BACE2: variants seen among roughly 807,000 people sequenced by gnomAD.
BACE2 encodes beta-secretase 2.
BACE2 carries 17 observed loss-of-function variants against 46.2 expected under a neutral mutation model. The observed-to-expected ratio is 0.37, with a 90% CI of 0.25 to 0.55. The LOEUF is 0.55. Among genes scored for constraint, BACE2 ranks in the 20% least tolerant of loss-of-function variants. The pLI, the probability that BACE2 is intolerant of heterozygous loss-of-function variation, is 0.82. For missense variants in BACE2, 595 were observed against 698.1 expected (o/e 0.85, Z 1.66); for synonymous variants, 277 against 295.9 (o/e 0.94, Z 0.66).
chr21:41,214,456 CTG>C (rs1986393290), intron 1 of BACE2, among the ~76,000 whole-genome samples: 1 of 152,150 alleles, frequency 6.6e-6, no homozygotes, highest in Non-Finnish European at 1.5e-5. Flanking sequence ...GCTGCTGGAA[CTG>C]GGGCATATTG....
Position 41,168,356 on chromosome 21 carries a change from GC to G in BACE2, c.97del (p.Leu33SerfsTer10). ...PELAPAPFTL[P>X]LRVAAATNRV... is the part of the protein sequence containing the mutation. The stretch of plus-strand genomic sequence containing the variant: ...AGCTGGCCCCCGCGCCCTTCACGCT[GC>G]CCCTCCGGGTGGCCGCGGCCACGAA... On this transcript the variant is annotated frameshift_variant, in exon 1 of 9. Transcript: ENST00000330333. LOFTEE classifies it high-confidence loss of function. The G allele has an allele frequency of 7.2e-7, 1 of 1,387,402 alleles. No individual in the cohort carries two copies. Among genetic ancestry groups the G allele is most frequent in the Non-Finnish European group, 9.4e-7 (1 of 1,066,812 alleles). 85.9% of individuals were successfully genotyped at this position (1,387,402 alleles called of 1,614,324 possible). A position where few individuals can be genotyped will look rare whatever the true frequency, so the allele number is the denominator to read the frequency against.
At chr21:41,198,971 A>G (rs1985846698) in intron 1 of BACE2, among the ~76,000 whole-genome samples, 2 of 151,262 alleles carry the variant, frequency 1.3e-5, no homozygotes, top group South Asian at 4.2e-4. Context: ...TGCTGCACCC[A>G]TTAACTCGTC....
intron 8 of BACE2, among the ~76,000 whole-genome samples, chr21:41,260,787 G>A (rs1465964187): frequency 6.6e-6 from 1 of 152,174 alleles, no homozygotes; most frequent in African/African-American, 2.4e-5. Context: ...ATGTGGGAGG[G>A]GACGACGCAG....
chr21:41,214,387 A>G (rs1986391586), intron 1 of BACE2, among the ~76,000 whole-genome samples: 1 of 152,216 alleles, frequency 6.6e-6, no homozygotes, highest in Non-Finnish European at 1.5e-5. Flanking sequence ...ATGTGTGCAT[A>G]ATGGTCATCC....
intron 3 of BACE2, among the ~76,000 whole-genome samples, chr21:41,239,946 C>T (rs562179816): frequency 3.9e-5 from 6 of 152,208 alleles, no homozygotes; most frequent in Non-Finnish European, 8.8e-5. Flanking sequence ...ACCTAAATTG[C>T]CTGGAATTAA....
intron 1 of BACE2, among the ~76,000 whole-genome samples, chr21:41,208,615 C>T (rs1450749406): frequency 6.6e-6 from 1 of 152,086 alleles, no homozygotes; most frequent in African/African-American, 2.4e-5. Flanking sequence ...GTGCCTCTCC[C>T]GTGTCCAGAA....
chr21:41,272,396 C>T (rs2088442950), intron 8 of BACE2, among the ~76,000 whole-genome samples: 1 of 151,922 alleles, frequency 6.6e-6, no homozygotes, highest in Admixed American at 6.6e-5. Flanking sequence ...TTTTTTGCCT[C>T]ACAATCCCTT....
intron 1 of BACE2, among the ~76,000 whole-genome samples, chr21:41,224,638 AATG>A (rs1986756965): frequency 6.6e-6 from 1 of 152,246 alleles, no homozygotes; most frequent in Non-Finnish European, 1.5e-5. Flanking sequence ...CTGGGCATAA[AATG>A]ATAAGTAACA....
At chr21:41,205,045 G>A (rs534783964) in intron 1 of BACE2, among the ~76,000 whole-genome samples, 28 of 152,278 alleles carry the variant, frequency 1.8e-4, no homozygotes, top group South Asian at 1.0e-3. Context: ...GCGAAGGGTA[G>A]CAAATTGAAC....
intron 8 of BACE2, among the ~76,000 whole-genome samples, chr21:41,259,709 G>T (rs992176736): frequency 6.7e-5 from 10 of 148,960 alleles, no homozygotes; most frequent in African/African-American, 2.2e-4. Context: ...TTACTAGATG[G>T]GCATGTGCAC....
intron 6 of BACE2, among the ~76,000 whole-genome samples, chr21:41,249,061 A>AGT (rs904905118): frequency 6.6e-6 from 1 of 152,120 alleles, no homozygotes; most frequent in African/African-American, 2.4e-5. Context: ...GTGCCTCTGG[A>AGT]GTGTGTGTCT....
intron 4 of BACE2, among the ~76,000 whole-genome samples, chr21:41,242,976 G>A (rs535442096): frequency 5.9e-5 from 9 of 151,982 alleles, no homozygotes; most frequent in African/African-American, 1.9e-4. Context: ...GTGCAGTGAC[G>A]CGATCTCAGC....
Position 41,276,328 on chromosome 21 carries a change from A to G in BACE2, c.*704A>G, listed in dbSNP as rs1193906619. The G allele has an allele frequency of 6.6e-6, 1 of 152,188 alleles. No individual in the cohort carries two copies. Among genetic ancestry groups the G allele is most frequent in the African/African-American group, 2.4e-5 (1 of 41,424 alleles). The allele number at this position is 152,188 out of a possible 1,614,324, so 9.4% of individuals were successfully genotyped here. On this transcript the variant is annotated 3_prime_UTR_variant, in exon 9 of 9. Coordinates refer to ENST00000330333, the MANE Select transcript of BACE2 (RefSeq NM_012105.5). ...AAGGAAATCTCCTCTTTTGTACCCAATACTTATGTTGTATTGTTGGTGCGA... is the reference window on the plus strand; with the variant it reads ...AAGGAAATCTCCTCTTTTGTACCCAGTACTTATGTTGTATTGTTGGTGCGA...
Position 41,277,055 on chromosome 21 carries a change from T to C in BACE2, c.*1431T>C, listed in dbSNP as rs759286807. Reference sequence around the variant, plus strand: ...GACAGTATCCCCTCTCTCCTGCTTGTGTGCCAAGTTCAGTGTTCCCTTTGC... The same window carrying C: ...GACAGTATCCCCTCTCTCCTGCTTGCGTGCCAAGTTCAGTGTTCCCTTTGC... On this transcript the variant is annotated 3_prime_UTR_variant, in exon 9 of 9. Transcript: ENST00000330333. 4 of 143,754 alleles carry C rather than the reference T, an allele frequency of 2.8e-5. No individual in the cohort carries two copies. Among genetic ancestry groups the C allele is most frequent in the Admixed American group, 7.4e-5 (1 of 13,496 alleles). 8.9% of individuals were successfully genotyped at this position (143,754 alleles called of 1,614,324 possible). A position where few individuals can be genotyped will look rare whatever the true frequency, so the allele number is the denominator to read the frequency against.
At position 41,237,495 on chromosome 21, in the gene BACE2, T is replaced by C; in HGVS notation, c.402-18T>C. The C allele has an allele frequency of 6.5e-7, 1 of 1,544,866 alleles. No homozygotes were observed. Among genetic ancestry groups the C allele is most frequent in the South Asian group, 1.2e-5 (1 of 84,404 alleles). Reference sequence around the variant, plus strand: ...TAAAATAAAATGAATACAATATGCTTTTCTTTTCTTTCTCCAGGTCTAGCA... The same window carrying C: ...TAAAATAAAATGAATACAATATGCTCTTCTTTTCTTTCTCCAGGTCTAGCA... On this transcript the variant is annotated intron_variant, in intron 2 of 8. Transcript: ENST00000330333.
intron 1 of BACE2, chr21:41,182,207 A>T (rs941281270): frequency 6.0e-6 from 1 of 167,098 alleles, no homozygotes. Flanking sequence ...CCAAAGCTTT[A>T]CTGATATTGG....
At chr21:41,237,470 T>C (rs1369105063) in intron 2 of BACE2, 43 bp from the exon 3 acceptor site, 1 of 1,317,192 alleles carries the variant, frequency 7.6e-7, no homozygotes, top group Non-Finnish European at 1.0e-6. Flanking sequence ...AAAAATAAAA[T>C]AAAATAAAAT....
chr21:41,200,773 G>T (rs1022509301), intron 1 of BACE2, among the ~76,000 whole-genome samples: 1 of 152,204 alleles, frequency 6.6e-6, no homozygotes, highest in Non-Finnish European at 1.5e-5. Flanking sequence ...TGAAGAAGCA[G>T]CAAGAGGAGC....
At chr21:41,181,200 G>A (rs190422428) in intron 1 of BACE2, 2 of 167,086 alleles carry the variant, frequency 1.2e-5, no homozygotes, top group Non-Finnish European at 2.9e-5. Flanking sequence ...TTAAAGAAGA[G>A]GTGACTCCTT....
Sources: gnomAD v4.1 joint callset for allele counts (sites outside exome capture counted in the v4.1 genomes callset) on GRCh38, gnomAD v4.1.1 for gene constraint, MANE v1.5 for transcripts, NCBI Gene and HGNC (gene_info 2026-07-23, HGNC 2026-07-21) for gene names.